COMMD1: variants seen among roughly 807,000 people sequenced by gnomAD.
The protein encoded by COMMD1 is copper metabolism domain containing 1.
Under a neutral mutation model 17.2 loss-of-function variants are expected in COMMD1, and 10 were observed. That is an observed-to-expected ratio of 0.58 (90% CI 0.36 to 0.99). The LOEUF (loss-of-function observed/expected upper bound fraction) is 0.99. Ranked by LOEUF, COMMD1 falls within the 50% of genes least tolerant of loss-of-function variation. The pLI is 0.01. For synonymous variants in COMMD1, 97 were observed against 91.6 expected (o/e 1.06, Z -0.34); for missense variants, 270 against 231.8 (o/e 1.17, Z -1.07).
chr2:61,919,834 G>T (rs1670142412), intron 1 of COMMD1, among the ~76,000 whole-genome samples: 1 of 152,004 alleles, frequency 6.6e-6, no homozygotes, highest in African/African-American at 2.4e-5. Context: ...GTTCTTTAAA[G>T]GTCTAGTACA....
chr2:61,917,122 G>A (rs887624841), intron 1 of COMMD1, among the ~76,000 whole-genome samples: 3 of 152,042 alleles, frequency 2.0e-5, no homozygotes, highest in African/African-American at 7.2e-5. Flanking sequence ...TGGAGGCCGA[G>A]GTGGGTGGAT....
At chr2:62,085,779 A>C (rs1671647540) in intron 2 of COMMD1, among the ~76,000 whole-genome samples, 1 of 150,768 alleles carries the variant, frequency 6.6e-6, no homozygotes. Context: ...GGAGATCGAG[A>C]CCATCCTGGC....
chr2:61,986,293 A>G (rs4130216), intron 1 of COMMD1, among the ~76,000 whole-genome samples: 17,948 of 151,730 alleles, frequency 0.12, 2,545 homozygotes, highest in African/African-American at 0.34. Context: ...TTCTCTTGCT[A>G]CTTTTAGGAT....
chr2:61,923,038 G>C (rs1243922111), intron 1 of COMMD1, among the ~76,000 whole-genome samples: 1 of 152,190 alleles, frequency 6.6e-6, no homozygotes, highest in Non-Finnish European at 1.5e-5. Context: ...TGCTTTTCAA[G>C]ATATCTAGCC....
chr2:61,984,388 C>T, intron 1 of COMMD1, among the ~76,000 whole-genome samples: 1 of 152,224 alleles, frequency 6.6e-6, no homozygotes, highest in Non-Finnish European at 1.5e-5. Flanking sequence ...CTTTATTGAC[C>T]ATTCAGTAAT....
chr2:62,012,673 C>T (rs2103834757), intron 2 of COMMD1, among the ~76,000 whole-genome samples: 1 of 152,208 alleles, frequency 6.6e-6, no homozygotes, highest in African/African-American at 2.4e-5. Context: ...TTCTCACCAC[C>T]TCCCACAATG....
At chr2:62,018,548 T>C (rs927544708) in intron 2 of COMMD1, among the ~76,000 whole-genome samples, 4 of 152,234 alleles carry the variant, frequency 2.6e-5, no homozygotes, top group African/African-American at 9.6e-5. Context: ...CAGTTTTTAA[T>C]GAGCATTATG....
intron 1 of COMMD1, among the ~76,000 whole-genome samples, chr2:61,892,890 C>G (rs890663598): frequency 6.6e-6 from 1 of 151,614 alleles, no homozygotes; most frequent in Admixed American, 6.6e-5. Context: ...CCCCCTGAAA[C>G]GGAGTCTCGC....
At chr2:61,933,623 A>G (rs1670526681) in intron 1 of COMMD1, among the ~76,000 whole-genome samples, 1 of 152,104 alleles carries the variant, frequency 6.6e-6, no homozygotes, top group Admixed American at 6.6e-5. Context: ...GATATGACAT[A>G]GTAGTAAGAA....
chr2:61,948,646 AT>A (rs1458675425), intron 1 of COMMD1, among the ~76,000 whole-genome samples: 1 of 152,102 alleles, frequency 6.6e-6, no homozygotes, highest in African/African-American at 2.4e-5. Context: ...GCCTCACTTT[AT>A]TTTTTTATCT....
At chr2:62,009,004 G>A (rs1479123336) in intron 2 of COMMD1, among the ~76,000 whole-genome samples, 1 of 151,988 alleles carries the variant, frequency 6.6e-6, no homozygotes, top group Non-Finnish European at 1.5e-5. Flanking sequence ...GGCTGGTCTT[G>A]AACTCCTGAC....
chr2:61,939,840 A>G (rs1391703397), intron 1 of COMMD1, among the ~76,000 whole-genome samples: 5 of 152,250 alleles, frequency 3.3e-5, no homozygotes, highest in African/African-American at 9.6e-5. Flanking sequence ...ACAGGTCATG[A>G]GAGCTATCAG....
At chr2:61,994,817 A>T (rs531567952) in intron 1 of COMMD1, among the ~76,000 whole-genome samples, 2 of 152,266 alleles carry the variant, frequency 1.3e-5, no homozygotes, top group Admixed American at 6.5e-5. Context: ...TGTCCTTCTT[A>T]TACTATGACC....
At chr2:61,984,354 A>AT (rs1672045613) in intron 1 of COMMD1, among the ~76,000 whole-genome samples, 1 of 152,152 alleles carries the variant, frequency 6.6e-6, no homozygotes, top group Non-Finnish European at 1.5e-5. Context: ...GTTTCAATAA[A>AT]TTTTTTAATT....
rs1002577261 is a variant in COMMD1 at position 62,037,435 on chromosome 2, T to C, written c.462+36453T>C. ...GTAAACTCTATGTGGCCATGATCTT[T>C]GGAATGGTATGTATGGGATATAACT... On this transcript the variant is annotated intron_variant, in intron 2 of 2. Transcript: ENST00000311832. Among the ~76,000 whole-genome samples, 9 of 152,218 alleles carry C rather than the reference T, an allele frequency of 5.9e-5. No individual in the cohort carries two copies. In the East Asian group the frequency reaches 1.7e-3, roughly 29 times the overall value.
chr2:61,996,901 A>C (rs1397432539), intron 1 of COMMD1, among the ~76,000 whole-genome samples: 1 of 152,142 alleles, frequency 6.6e-6, no homozygotes, highest in African/African-American at 2.4e-5. Context: ...ACTCCCTTTA[A>C]TGTGGATATT....
intron 1 of COMMD1, among the ~76,000 whole-genome samples, chr2:61,943,499 A>G (rs1670808729): frequency 6.6e-6 from 1 of 152,178 alleles, no homozygotes; most frequent in African/African-American, 2.4e-5. Context: ...TATGTGTCTC[A>G]GTTTCTCTTT....
intron 2 of COMMD1, among the ~76,000 whole-genome samples, chr2:62,124,951 G>A (rs1672848408): frequency 6.6e-6 from 1 of 152,106 alleles, no homozygotes; most frequent in Non-Finnish European, 1.5e-5. Flanking sequence ...TTTCTAGTAA[G>A]CCATTTGAAA....
At chr2:62,106,362 T>C (rs950041199) in intron 2 of COMMD1, among the ~76,000 whole-genome samples, 5 of 152,242 alleles carry the variant, frequency 3.3e-5, no homozygotes, top group African/African-American at 1.2e-4. Context: ...TGTGTTCTAC[T>C]CAGGGTAGCT....
Sources: allele counts gnomAD v4.1 joint callset (sites outside exome capture counted in the v4.1 genomes callset), GRCh38; gene constraint gnomAD v4.1.1; transcripts MANE v1.5; gene names NCBI Gene and HGNC (gene_info 2026-07-23, HGNC 2026-07-21).